The following CAMTA1 variants were observed in gnomAD, a reference collection of about 807,000 sequenced individuals.
CAMTA1 encodes the protein calmodulin-binding transcription activator 1.
In CAMTA1, 27 loss-of-function variants were observed where a neutral mutation model predicts 170.9. That is an observed-to-expected ratio of 0.16 (90% CI 0.12 to 0.22). The LOEUF is 0.22. Among genes scored for constraint, CAMTA1 ranks in the 10% least tolerant of loss-of-function variants. CAMTA1 has a pLI of 1.00. For synonymous variants in CAMTA1, 833 were observed against 891.5 expected (o/e 0.93, Z 1.17); for missense variants, 1,619 against 2,217.2 (o/e 0.73, Z 5.42).
intron 5 of CAMTA1, among the ~76,000 whole-genome samples, chr1:7,276,278 C>CATATATATATAT (rs1210333666): frequency 4.3e-4 from 25 of 58,548 alleles, no homozygotes; most frequent in African/African-American, 2.1e-3. Context: ...TACACCTGAT[C>CATATATATATAT]ATATATATAT....
At chr1:6,845,622 A>T (rs1179021314) in intron 3 of CAMTA1, among the ~76,000 whole-genome samples, 8 of 152,390 alleles carry the variant, frequency 5.2e-5, no homozygotes, top group Admixed American at 3.3e-4. Context: ...AAACAATGTT[A>T]CCATGGATGA....
chr1:7,094,736 C>T lies in CAMTA1; in HGVS notation c.302+3365C>T, dbSNP rs552236090. Among the ~76,000 whole-genome samples the T allele has an allele frequency of 7.2e-5, 11 of 152,204 alleles. No individual in the cohort carries two copies. In the South Asian group the frequency reaches 1.7e-3, roughly 23 times the overall value. On this transcript the variant is annotated intron_variant, in intron 4 of 22. Transcript: ENST00000303635. ...CAGGGCTGGGGACCCTGGGGGCAGC[C>T]GCGGTATCGCAACAGAGCTGAATGC...
rs368561548 is a variant in CAMTA1, at chr1:7,106,981, G to A, written c.302+15610G>A. On this transcript the variant is annotated intron_variant, in intron 4 of 22. Coordinates refer to ENST00000303635, the MANE Select transcript of CAMTA1 (RefSeq NM_015215.4). ...GAGTGGCAGCCTCTGGGGAGATGTC[G>A]TGGAAACCGCCAGGGACAGCTCGTG... Among the ~76,000 whole-genome samples the A allele has an allele frequency of 3.3e-5, 5 of 152,024 alleles. No homozygotes were observed. The South Asian group carries it at 8.3e-4, about 25-fold the overall frequency.
intron 3 of CAMTA1, among the ~76,000 whole-genome samples, chr1:6,828,586 G>A (rs764209199): frequency 6.6e-6 from 1 of 151,896 alleles, no homozygotes; most frequent in African/African-American, 2.4e-5. Flanking sequence ...CACTGCACCC[G>A]GCCCCATCCT....
rs1265861602 is a variant in CAMTA1 at position 7,534,576 on chromosome 1, C to G, written c.510+66675C>G. 1.3e-5 allele frequency among the ~76,000 whole-genome samples: 2 copies of G among 152,204 alleles called. No individual in the cohort carries two copies. The highest frequency in any genetic ancestry group is 4.8e-5 in the African/African-American group (2 of 41,454). On this transcript the variant is annotated intron_variant, in intron 6 of 22. Coordinates refer to ENST00000303635, the MANE Select transcript of CAMTA1 (RefSeq NM_015215.4). The surrounding 1 kb of genome is among the most constrained non-coding windows in gnomAD (Gnocchi z 5.6). ...CTGCTCCCCACCTCCCCGGCCAGCC[C>G]ACACCCTCTGTCTTTGTCTGGCATG...
Position 7,651,781 on chromosome 1 carries a change from T to A in CAMTA1, c.665-9945T>A, listed in dbSNP as rs373967515. On this transcript the variant is annotated intron_variant, in intron 7 of 22. Transcript: ENST00000303635. Reference sequence around the variant, plus strand: ...GATCCAGAGGAAACAAAGATCTTGTTCTAAGATCACACAGTGCATGAGGGA... The same window carrying A: ...GATCCAGAGGAAACAAAGATCTTGTACTAAGATCACACAGTGCATGAGGGA... 1.1e-4 allele frequency among the ~76,000 whole-genome samples: 16 copies of A among 152,362 alleles called. No homozygotes were observed. In the East Asian group the frequency reaches 2.7e-3, roughly 26 times the overall value.
chr1:7,760,279 C>CT (rs2096964802), intron 22 of CAMTA1, among the ~76,000 whole-genome samples: 1 of 152,226 alleles, frequency 6.6e-6, no homozygotes, highest in Non-Finnish European at 1.5e-5. Flanking sequence ...AGCAGCTCTG[C>CT]TGTGTGCTTC....
intron 5 of CAMTA1, among the ~76,000 whole-genome samples, chr1:7,349,521 G>A (rs1035310133): frequency 8.5e-5 from 13 of 152,214 alleles, no homozygotes; most frequent in Non-Finnish European, 1.6e-4. Flanking sequence ...CACCGCACAC[G>A]GGGCGACGTA....
At chr1:7,552,625 C>T (rs541438624) in intron 6 of CAMTA1, among the ~76,000 whole-genome samples, 1 of 152,218 alleles carries the variant, frequency 6.6e-6, no homozygotes, top group Admixed American at 6.5e-5. Context: ...CGGGTCACTG[C>T]CCACGCATAT....
In CAMTA1 at chr1:7,093,421, C is replaced by G. The variant is rs1433100798; in HGVS notation, c.302+2050C>G. Reference sequence around the variant, plus strand: ...GCCCTTATCTCAAGCAGCCGCCAGCCTCTCCTTGCGCCCTTCACTCTCCGC... The same window carrying G: ...GCCCTTATCTCAAGCAGCCGCCAGCGTCTCCTTGCGCCCTTCACTCTCCGC... On this transcript the variant is annotated intron_variant, in intron 4 of 22. Coordinates refer to ENST00000303635, the MANE Select transcript of CAMTA1 (RefSeq NM_015215.4). This position sits in a 1 kb window ranked among gnomAD's most constrained non-coding sequence, Gnocchi z 4.6. Among the ~76,000 whole-genome samples the G allele has an allele frequency of 2.0e-5, 3 of 152,236 alleles. No homozygotes were observed. Among genetic ancestry groups the G allele is most frequent in the Middle Eastern group, 3.4e-3 (1 of 294 alleles).
At chr1:6,888,822 T>A (rs891335683) in intron 3 of CAMTA1, among the ~76,000 whole-genome samples, 1 of 147,662 alleles carries the variant, frequency 6.8e-6, no homozygotes, top group African/African-American at 2.7e-5. Flanking sequence ...TCTTTTTTTC[T>A]TTCTTTTTTT....
chr1:7,227,096 G>GT (rs1249266023), intron 4 of CAMTA1, among the ~76,000 whole-genome samples: 1 of 152,074 alleles, frequency 6.6e-6, no homozygotes, highest in South Asian at 2.1e-4. Flanking sequence ...TCTTCCCAAA[G>GT]TGCTGGGATT....
At chr1:7,669,801 T>A (rs1250460905) in intron 9 of CAMTA1, among the ~76,000 whole-genome samples, 2 of 152,128 alleles carry the variant, frequency 1.3e-5, no homozygotes, top group Non-Finnish European at 2.9e-5. Context: ...ACCTTCCTCA[T>A]CCCCAGGGAG....
chr1:7,263,107 T>C (rs1355727652), intron 5 of CAMTA1, among the ~76,000 whole-genome samples: 1 of 152,072 alleles, frequency 6.6e-6, no homozygotes, highest in African/African-American at 2.4e-5. Context: ...TTCCCTTTCA[T>C]AACACCTGGC....
At chr1:7,309,289 T>A (rs1163183788) in intron 5 of CAMTA1, among the ~76,000 whole-genome samples, 16 of 21,428 alleles carry the variant, frequency 7.5e-4, no homozygotes, top group African/African-American at 1.4e-3. Context: ...GTTAGAAAAT[T>A]TTTTTTTTTT....
rs548969000 is a variant in CAMTA1 at position 7,554,632 on chromosome 1, T to G, written c.511-85768T>G. Among the ~76,000 whole-genome samples the G allele has an allele frequency of 2.0e-5, 3 of 152,278 alleles. No individual in the cohort carries two copies. In the East Asian group the frequency reaches 5.8e-4, roughly 29 times the overall value. ...CTCCACCCTGATCATCTCTGACCTGTTGGCTCTTTCTGCCATTTTCAGCCT... is the reference window on the plus strand; with the variant it reads ...CTCCACCCTGATCATCTCTGACCTGGTGGCTCTTTCTGCCATTTTCAGCCT... On this transcript the variant is annotated intron_variant, in intron 6 of 22. Coordinates refer to ENST00000303635, the MANE Select transcript of CAMTA1 (RefSeq NM_015215.4).
chr1:7,038,661 C>T (rs888987932), intron 3 of CAMTA1, among the ~76,000 whole-genome samples: 4 of 152,204 alleles, frequency 2.6e-5, no homozygotes, highest in Non-Finnish European at 5.9e-5. Context: ...GTAGGAATAT[C>T]ATTCATTAGA....
At chr1:7,629,639 T>C (rs1479957932) in intron 6 of CAMTA1, among the ~76,000 whole-genome samples, 1 of 152,202 alleles carries the variant, frequency 6.6e-6, no homozygotes, top group African/African-American at 2.4e-5. Context: ...ACTGTTATCT[T>C]TCTGGACCGG....
intron 3 of CAMTA1, among the ~76,000 whole-genome samples, chr1:6,828,233 G>GA (rs1454712328): frequency 1.4e-5 from 2 of 146,244 alleles, no homozygotes; most frequent in Non-Finnish European, 3.0e-5. Context: ...GTGATTGTTT[G>GA]AAAAAACCTT....
Sources: allele counts gnomAD v4.1 joint callset (sites outside exome capture counted in the v4.1 genomes callset), GRCh38; gene constraint gnomAD v4.1.1; non-coding constraint Gnocchi (gnomAD v3.1); transcripts MANE v1.5; gene names NCBI Gene and HGNC (gene_info 2026-07-23, HGNC 2026-07-21).